ATP7B: variants seen among roughly 807,000 people sequenced by gnomAD.
The protein encoded by ATP7B is copper-transporting ATPase 2.
A neutral mutation model predicts 118.9 loss-of-function variants in ATP7B; 113 were observed. The observed-to-expected ratio is 0.95, with a 90% CI of 0.82 to 1.11. The LOEUF is 1.11. Ranked by LOEUF, ATP7B falls within the 50% of genes most tolerant of loss-of-function variation. ATP7B has a pLI of 0.00. For missense variants in ATP7B, 1,867 were observed against 1,871.4 expected (o/e 1.00, Z 0.04); for synonymous variants, 777 against 727.4 (o/e 1.07, Z -1.10).
At chr13:51,969,160 A>G (rs1319928396) in intron 3 of ATP7B, among the ~76,000 whole-genome samples, 1 of 151,326 alleles carries the variant, frequency 6.6e-6, no homozygotes, top group African/African-American at 2.4e-5. Flanking sequence ...TCCCCAGGTG[A>G]TCCTAATGTA....
At chr13:51,952,930 C>T (rs1034844526) in intron 9 of ATP7B, among the ~76,000 whole-genome samples, 2 of 152,190 alleles carry the variant, frequency 1.3e-5, no homozygotes, top group Admixed American at 6.5e-5. Flanking sequence ...ACAAACAGGA[C>T]AGAGTAGAGC....
rs1157344488 is a variant in ATP7B, at chr13:51,939,118, C to T, written c.3632G>A (p.Ser1211Asn). Residue 1211 changes from serine to asparagine, a missense_variant, in exon 17 of 21, where the codon AGC (serine) becomes AAC (asparagine). Physicochemically the swap from Ser to Asn is conservative, Grantham distance 46 (BLOSUM62 1). Coordinates refer to ENST00000242839, the MANE Select transcript of ATP7B (RefSeq NM_000053.4). ...EAALAVHTLQ[S>N]MGVDVVLITG... ...GATCAGAACCACGTCCACACCCATG[C>T]TCTGCAGCGTGTGCACAGCCAGGGC... 2 of 1,614,122 alleles carry T rather than the reference C, an allele frequency of 1.2e-6. No individual in the cohort carries two copies. Among genetic ancestry groups the T allele is most frequent in the Non-Finnish European group, 1.7e-6 (2 of 1,180,046 alleles).
At chr13:51,967,686 G>A (rs987269669) in intron 4 of ATP7B, among the ~76,000 whole-genome samples, 8 of 152,330 alleles carry the variant, frequency 5.3e-5, no homozygotes, top group African/African-American at 1.9e-4. Flanking sequence ...TACCACTAAT[G>A]GCACTGACAA....
chr13:52,005,137 G>C (rs1953706535), intron 1 of ATP7B, among the ~76,000 whole-genome samples: 1 of 152,174 alleles, frequency 6.6e-6, no homozygotes, highest in Non-Finnish European at 1.5e-5. Context: ...GTGACAGGAG[G>C]AGCAGTCCCA....
chr13:51,971,504 A>G (rs1015501517), intron 2 of ATP7B, among the ~76,000 whole-genome samples: 2 of 152,202 alleles, frequency 1.3e-5, no homozygotes, highest in Non-Finnish European at 2.9e-5. Flanking sequence ...TGTAATATGT[A>G]AGTTCAGTGC....
At chr13:51,959,894 TG>T (rs1958615992) in intron 7 of ATP7B, 2 of 533,420 alleles carry the variant, frequency 3.7e-6, no homozygotes, top group Admixed American at 3.2e-5. Flanking sequence ...GGGCCAGTTC[TG>T]ATCACTTGCA....
intron 1 of ATP7B, among the ~76,000 whole-genome samples, chr13:51,998,188 AG>A: frequency 6.6e-6 from 1 of 152,226 alleles, no homozygotes; most frequent in Non-Finnish European, 1.5e-5. Context: ...GGGTGCCAGC[AG>A]GTGGTCAGCC....
At chr13:51,998,568 T>G (rs1953331793) in intron 1 of ATP7B, among the ~76,000 whole-genome samples, 1 of 152,182 alleles carries the variant, frequency 6.6e-6, no homozygotes, top group African/African-American at 2.4e-5. Context: ...CCTCACATAT[T>G]TCTTCTAGGT....
In ATP7B at chr13:51,933,730, TG is replaced by T. The variant is rs1192143409; in HGVS notation, c.*1025del. The stretch of plus-strand genomic sequence containing the variant: ...CACACAAGGCCAGGCGCTAGTCACA[TG>T]AATTCTCTACTGAACCCCACGAGGT... On this transcript the variant is annotated 3_prime_UTR_variant, in exon 21 of 21. Coordinates refer to ENST00000242839, the MANE Select transcript of ATP7B (RefSeq NM_000053.4). The T allele has an allele frequency of 1.3e-5, 2 of 152,242 alleles. No individual in the cohort carries two copies. The highest frequency in any genetic ancestry group is 4.8e-5 in the African/African-American group (2 of 41,434). 9.4% of individuals were successfully genotyped at this position (152,242 alleles called of 1,614,324 possible).
chr13:51,933,301 G>A lies in ATP7B; in HGVS notation c.*1455C>T, dbSNP rs1202457214. 6.6e-6 allele frequency: 1 copy of A among 152,204 alleles called. No homozygotes were observed. Among genetic ancestry groups the A allele is most frequent in the Non-Finnish European group, 1.5e-5 (1 of 68,042 alleles). 9.4% of individuals were successfully genotyped at this position (152,204 alleles called of 1,614,324 possible). On this transcript the variant is annotated 3_prime_UTR_variant, in exon 21 of 21. Transcript: ENST00000242839. Reference sequence around the variant, plus strand: ...TCCTGGGCAAAGTCCTCAGCCTCTTGGAGCCTGTTTCCTTGCCTGTAAAAT... The same window carrying A: ...TCCTGGGCAAAGTCCTCAGCCTCTTAGAGCCTGTTTCCTTGCCTGTAAAAT...
intron 1 of ATP7B, among the ~76,000 whole-genome samples, chr13:51,996,324 G>C (rs139209400): frequency 6.6e-6 from 1 of 152,274 alleles, no homozygotes; most frequent in East Asian, 1.9e-4. Context: ...GGATTAATAG[G>C]AGGAGACACA....
chr13:51,979,723 A>T (rs570754914), intron 1 of ATP7B, among the ~76,000 whole-genome samples: 5 of 152,300 alleles, frequency 3.3e-5, no homozygotes, highest in African/African-American at 9.6e-5. Flanking sequence ...CCTCATGATA[A>T]CCCAGTTTAC....
Position 51,957,569 on chromosome 13 carries a change from GAGA to G in ATP7B, c.2391_2393del (p.Leu798del), listed in dbSNP as rs772383075. 32 of 1,614,080 alleles carry G rather than the reference GAGA, an allele frequency of 2.0e-5. No individual in the cohort carries two copies. The highest frequency in any genetic ancestry group is 2.6e-5 in the Non-Finnish European group (31 of 1,180,012). ...TCACAACGGTGGCTTCTGTGGCTTG[GAGA>G]GACATGAGTTTAGCCAGGGCTTCTG... On this transcript the variant is annotated inframe_deletion, in exon 9 of 21. Coordinates refer to ENST00000242839, the MANE Select transcript of ATP7B (RefSeq NM_000053.4).
chr13:51,996,562 C>T (rs187360480), intron 1 of ATP7B, among the ~76,000 whole-genome samples: 170 of 152,328 alleles, frequency 1.1e-3, no homozygotes, highest in Admixed American at 2.5e-3. Context: ...GCAGAATGTA[C>T]CAGCAGGGGG....
At chr13:52,009,921 T>C (rs1953943368) in intron 1 of ATP7B, among the ~76,000 whole-genome samples, 1 of 152,122 alleles carries the variant, frequency 6.6e-6, no homozygotes, top group Non-Finnish European at 1.5e-5. Context: ...AGAGTGCACA[T>C]AGAGGGATAT....
At chr13:51,988,035 A>G (rs1206596575) in intron 1 of ATP7B, among the ~76,000 whole-genome samples, 1 of 152,232 alleles carries the variant, frequency 6.6e-6, no homozygotes, top group Non-Finnish European at 1.5e-5. Context: ...AAGCAATGGC[A>G]ACAAAAGCCA....
At chr13:51,964,616 G>A (rs1323999873) in intron 5 of ATP7B, among the ~76,000 whole-genome samples, 1 of 152,082 alleles carries the variant, frequency 6.6e-6, no homozygotes, top group Non-Finnish European at 1.5e-5. Flanking sequence ...GTTTCTTAGG[G>A]AATATCTAAA....
At chr13:51,953,363 C>T (rs189204599) in intron 9 of ATP7B, among the ~76,000 whole-genome samples, 40 of 152,260 alleles carry the variant, frequency 2.6e-4, no homozygotes, top group Admixed American at 7.8e-4. Flanking sequence ...AGACCCTCCT[C>T]CAGCAGAACC....
intron 1 of ATP7B, among the ~76,000 whole-genome samples, chr13:51,985,864 A>G (rs1372473891): frequency 2.0e-5 from 3 of 152,348 alleles, no homozygotes; most frequent in Admixed American, 1.3e-4. Context: ...TTTGAAGCCA[A>G]TGAGAACAAA....
Sources: allele counts gnomAD v4.1 joint callset (sites outside exome capture counted in the v4.1 genomes callset), GRCh38; gene constraint gnomAD v4.1.1; transcripts MANE v1.5; gene names NCBI Gene and HGNC (gene_info 2026-07-23, HGNC 2026-07-21).